FSTL5: variants seen among roughly 807,000 people sequenced by gnomAD.
FSTL5 encodes the protein follistatin-related protein 5.
In FSTL5, 62 loss-of-function variants were observed where a neutral mutation model predicts 89.1. The observed-to-expected ratio is 0.70, with a 90% CI of 0.57 to 0.86. The LOEUF (loss-of-function observed/expected upper bound fraction) is 0.86. FSTL5 is among the 40% of genes least tolerant of loss of function. FSTL5 has a pLI of 0.00. For synonymous variants in FSTL5, 383 were observed against 346.2 expected (o/e 1.11, Z -1.18); for missense variants, 1,057 against 1,001.6 (o/e 1.06, Z -0.75).
intron 13 of FSTL5, among the ~76,000 whole-genome samples, chr4:161,480,668 T>A (rs1239636735): frequency 6.6e-6 from 1 of 152,214 alleles, no homozygotes; most frequent in African/African-American, 2.4e-5. Context: ...ATTCCGGTTC[T>A]GTAATGATAA....
chr4:161,724,892 T>C (rs1739340148), intron 6 of FSTL5, among the ~76,000 whole-genome samples: 1 of 152,066 alleles, frequency 6.6e-6, no homozygotes, highest in East Asian at 1.9e-4. Flanking sequence ...TTGTGGTGTG[T>C]TTAGAATAAT....
intron 4 of FSTL5, among the ~76,000 whole-genome samples, chr4:161,842,803 A>G (rs76518581): frequency 0.034 from 5,243 of 152,220 alleles, 177 homozygotes; most frequent in East Asian, 0.15. Context: ...TTAGTATAAA[A>G]CATCAACATA....
At chr4:161,928,666 C>G (rs1377470042) in intron 3 of FSTL5, among the ~76,000 whole-genome samples, 1 of 151,688 alleles carries the variant, frequency 6.6e-6, no homozygotes, top group African/African-American at 2.4e-5. Flanking sequence ...ATAATCATAA[C>G]ATAAGATTGA....
chr4:161,632,629 A>G (rs1341648310), intron 7 of FSTL5, among the ~76,000 whole-genome samples: 1 of 152,204 alleles, frequency 6.6e-6, no homozygotes, highest in African/African-American at 2.4e-5. Flanking sequence ...ATGTCAAGAA[A>G]ACACATTCTC....
intron 4 of FSTL5, among the ~76,000 whole-genome samples, chr4:161,868,483 C>G (rs995826867): frequency 6.6e-6 from 1 of 152,148 alleles, no homozygotes; most frequent in Non-Finnish European, 1.5e-5. Context: ...CTTGCCCGAA[C>G]GACCTCATCT....
chr4:162,016,732 T>C (rs1206576171), intron 3 of FSTL5, among the ~76,000 whole-genome samples: 1 of 152,200 alleles, frequency 6.6e-6, no homozygotes, highest in African/African-American at 2.4e-5. Flanking sequence ...CTTTATAATG[T>C]TATACTACAT....
At chr4:161,902,771 C>T (rs1368325519) in intron 4 of FSTL5, among the ~76,000 whole-genome samples, 3 of 152,062 alleles carry the variant, frequency 2.0e-5, no homozygotes, top group Admixed American at 6.5e-5. Context: ...ATGGCGTGAA[C>T]CCGGGAGGCG....
chr4:161,875,224 A>C (rs1408514206), intron 4 of FSTL5, among the ~76,000 whole-genome samples: 2 of 152,164 alleles, frequency 1.3e-5, no homozygotes, highest in Non-Finnish European at 2.9e-5. Context: ...GGAAAACTCT[A>C]ACTTTCCACG....
intron 2 of FSTL5, among the ~76,000 whole-genome samples, chr4:162,059,372 A>C (rs1423577338): frequency 6.6e-6 from 1 of 152,196 alleles, no homozygotes; most frequent in Admixed American, 6.5e-5. Flanking sequence ...TTAATATTGT[A>C]GCTGTGTTAA....
intron 1 of FSTL5, among the ~76,000 whole-genome samples, chr4:162,116,177 AG>A (rs1731630049): frequency 6.6e-6 from 1 of 152,204 alleles, no homozygotes; most frequent in Non-Finnish European, 1.5e-5. Context: ...TATGCAAAGA[AG>A]TTTATTGCAA....
chr4:161,562,483 C>T (rs934020166), intron 8 of FSTL5, among the ~76,000 whole-genome samples: 1 of 151,740 alleles, frequency 6.6e-6, no homozygotes, highest in African/African-American at 2.4e-5. Flanking sequence ...TGATTTAGGT[C>T]TTCTATAATT....
intron 7 of FSTL5, among the ~76,000 whole-genome samples, chr4:161,612,991 G>C (rs1208461161): frequency 6.6e-6 from 1 of 151,916 alleles, no homozygotes; most frequent in Non-Finnish European, 1.5e-5. Context: ...TCGAATACTG[G>C]AATTCAAACA....
chr4:162,076,760 G>A (rs922119219), intron 2 of FSTL5, among the ~76,000 whole-genome samples: 89 of 151,864 alleles, frequency 5.9e-4, no homozygotes, highest in African/African-American at 2.1e-3. Flanking sequence ...TCAGATGAGA[G>A]GCCCAAACAG....
intron 2 of FSTL5, chr4:162,043,127 A>T (rs907178682): frequency 2.0e-4 from 31 of 152,134 alleles, no homozygotes; most frequent in Non-Finnish European, 2.9e-5. Context: ...CAAAAAAGAA[A>T]ATGTTCTTTA....
intron 3 of FSTL5, among the ~76,000 whole-genome samples, chr4:162,000,761 T>G (rs1013714082): frequency 3.3e-5 from 5 of 152,164 alleles, no homozygotes; most frequent in Non-Finnish European, 7.4e-5. Flanking sequence ...AAAGAAATGC[T>G]AGTATCTTCT....
chr4:161,608,559 T>G (rs1734532989), intron 7 of FSTL5, among the ~76,000 whole-genome samples: 1 of 151,980 alleles, frequency 6.6e-6, no homozygotes, highest in Non-Finnish European at 1.5e-5. Context: ...TATTTCATAA[T>G]TTGGAAATTT....
chr4:161,746,126 T>C (rs1411085184), intron 6 of FSTL5, among the ~76,000 whole-genome samples: 1 of 152,000 alleles, frequency 6.6e-6, no homozygotes, highest in African/African-American at 2.4e-5. Flanking sequence ...AAATAAAATT[T>C]CTGGAGATAG....
chr4:161,971,659 T>C (rs1255475840), intron 3 of FSTL5, among the ~76,000 whole-genome samples: 3 of 152,178 alleles, frequency 2.0e-5, no homozygotes, highest in Non-Finnish European at 4.4e-5. Flanking sequence ...ATAAATTTCC[T>C]GAGCTTAAAT....
intron 6 of FSTL5, among the ~76,000 whole-genome samples, chr4:161,756,679 T>C (rs964045878): frequency 6.6e-6 from 1 of 152,080 alleles, no homozygotes; most frequent in African/African-American, 2.4e-5. Context: ...CCTTGACAGG[T>C]GCAAGCAGTA....
Sources: gnomAD v4.1 joint callset for allele counts (sites outside exome capture counted in the v4.1 genomes callset) on GRCh38, gnomAD v4.1.1 for gene constraint, MANE v1.5 for transcripts, NCBI Gene and HGNC (gene_info 2026-07-23, HGNC 2026-07-21) for gene names.